USPL1: variants seen among roughly 807,000 people sequenced by gnomAD.
USPL1 encodes the protein SUMO-specific isopeptidase USPL1.
In USPL1, 27 loss-of-function variants were observed where a neutral mutation model predicts 51.5. The observed-to-expected ratio is 0.52, with a 90% CI of 0.39 to 0.72. USPL1 has a LOEUF of 0.72. Ranked by LOEUF, USPL1 falls within the 30% of genes least tolerant of loss-of-function variation. The probability of loss-of-function intolerance (pLI) is 0.00; values close to 1 mark genes in which losing one functional copy is unlikely to be tolerated. For missense variants in USPL1, 1,226 were observed against 1,268.0 expected, an observed-to-expected ratio of 0.97 and a Z score of 0.50; for synonymous variants, 451 against 459.6, an observed-to-expected ratio of 0.98 and a Z score of 0.24.
chr13:30,651,771 G>A (rs569978795), intron 7 of USPL1, among the ~76,000 whole-genome samples: 2 of 152,270 alleles, frequency 1.3e-5, no homozygotes, highest in South Asian at 4.2e-4. Flanking sequence ...GACCAGCCTG[G>A]CCAACATGGT....
intron 5 of USPL1, among the ~76,000 whole-genome samples, chr13:30,640,719 GT>G (rs1030548581): frequency 6.6e-6 from 1 of 152,046 alleles, no homozygotes; most frequent in African/African-American, 2.4e-5. Flanking sequence ...TTTTTTTAAT[GT>G]TTTTGTTCAA....
At position 30,619,740 on chromosome 13, in the gene USPL1, CG is replaced by C. The variant is rs149638284; in HGVS notation, c.-68-1332del. The stretch of plus-strand genomic sequence containing the variant: ...ATCTGCAGGTACAAAGCCTGAAAAG[CG>C]TAAGTTTGACTCCTACATAGTTCTC... On this transcript the variant is annotated intron_variant, in intron 1 of 8. Coordinates refer to ENST00000255304, the MANE Select transcript of USPL1 (RefSeq NM_005800.5). Among the ~76,000 whole-genome samples the C allele has an allele frequency of 9.3e-3, 1,409 of 152,210 alleles. 27 individuals are homozygous for C. Among genetic ancestry groups the C allele is most frequent in the African/African-American group, 0.032 (1,330 of 41,508 alleles).
chr13:30,660,550 T>C lies in USPL1; in HGVS notation c.*1194T>C, dbSNP rs1951246334. 1 of 152,204 alleles carries C rather than the reference T, an allele frequency of 6.6e-6. No homozygotes were observed. 9.4% of individuals were successfully genotyped at this position (152,204 alleles called of 1,614,324 possible). A position where few individuals can be genotyped will look rare whatever the true frequency, so the allele number is the denominator to read the frequency against. Reference sequence around the variant, plus strand: ...TTATGCAGATTTAAGTTGTATACGGTATATGAATGTGTGACAGTTTTCCTT... The same window carrying C: ...TTATGCAGATTTAAGTTGTATACGGCATATGAATGTGTGACAGTTTTCCTT... On this transcript the variant is annotated 3_prime_UTR_variant, in exon 9 of 9. Transcript: ENST00000255304.
chr13:30,637,010 A>C (rs773495776), intron 4 of USPL1, among the ~76,000 whole-genome samples: 23 of 152,216 alleles, frequency 1.5e-4, no homozygotes, highest in Non-Finnish European at 2.8e-4. Flanking sequence ...CAGTAGTACA[A>C]TCACAGCTCA....
chr13:30,654,185 C>G (rs1250148907), intron 8 of USPL1, among the ~76,000 whole-genome samples: 1 of 152,172 alleles, frequency 6.6e-6, no homozygotes, highest in Non-Finnish European at 1.5e-5. Context: ...TGGTTTCCAA[C>G]CCTGACAGCA....
Position 30,658,884 on chromosome 13 carries a change from AG to A in USPL1, c.2809del (p.Asp937ThrfsTer3). 6.2e-7 allele frequency: 1 copy of A among 1,614,146 alleles called. No homozygotes were observed. Among genetic ancestry groups the A allele is most frequent in the Non-Finnish European group, 8.5e-7 (1 of 1,180,044 alleles). On this transcript the variant is annotated frameshift_variant, in exon 9 of 9. Transcript: ENST00000255304. LOFTEE classifies it low-confidence loss of function (END_TRUNC). ...TCTCCAAATGATTGTGAATCAATAG[AG>A]GACTTGTTAAATGAGCTACCATATC... ...DGSPNDCESI[E>X]DLLNELPYPI...
chr13:30,627,991 C>T (rs1950745288), intron 3 of USPL1, among the ~76,000 whole-genome samples: 1 of 151,804 alleles, frequency 6.6e-6, no homozygotes, highest in South Asian at 2.1e-4. Context: ...GTTCTCCTCC[C>T]TCAGCCTCCT....
chr13:30,633,021 T>C (rs1307198287), intron 4 of USPL1, among the ~76,000 whole-genome samples: 2 of 152,206 alleles, frequency 1.3e-5, no homozygotes, highest in Non-Finnish European at 2.9e-5. Context: ...TAAGTAATCA[T>C]TATCTGAAAT....
intron 8 of USPL1, among the ~76,000 whole-genome samples, chr13:30,656,934 T>C (rs1951172966): frequency 6.6e-6 from 1 of 152,110 alleles, no homozygotes; most frequent in Admixed American, 6.6e-5. Context: ...ATTCATGCTT[T>C]AGTTGACTAC....
At chr13:30,619,760 A>G (rs1010961871) in intron 1 of USPL1, among the ~76,000 whole-genome samples, 1 of 152,222 alleles carries the variant, frequency 6.6e-6, no homozygotes, top group Non-Finnish European at 1.5e-5. Flanking sequence ...ACTCCTACAT[A>G]GTTCTCTTTT....
chr13:30,636,501 A>G (rs530389562), intron 4 of USPL1, among the ~76,000 whole-genome samples: 33 of 152,294 alleles, frequency 2.2e-4, no homozygotes, highest in African/African-American at 6.7e-4. Flanking sequence ...GAAAAGATCT[A>G]TTTGTAGCTT....
chr13:30,621,948 T>C, intron 3 of USPL1, 56 bp downstream of exon 3: 1 of 1,213,036 alleles, frequency 8.2e-7, no homozygotes, highest in South Asian at 3.1e-5. Context: ...CTTTTGCTTT[T>C]TTATTAATTG....
At chr13:30,651,952 T>C (rs1428048111) in intron 7 of USPL1, among the ~76,000 whole-genome samples, 1 of 151,382 alleles carries the variant, frequency 6.6e-6, no homozygotes, top group Non-Finnish European at 1.5e-5. Context: ...CTAGTGTCTG[T>C]CTCAAAAAAA....
Position 30,631,277 on chromosome 13 carries a change from CT to C in USPL1, c.674del (p.Leu225TyrfsTer14). The C allele has an allele frequency of 6.2e-7, 1 of 1,614,128 alleles. No individual in the cohort carries two copies. The highest frequency in any genetic ancestry group is 8.5e-7 in the Non-Finnish European group (1 of 1,180,022). Reference protein sequence around the residue: ...LESKCTSFPQALCVQWKNAYA... With the variant: ...LESKCTSFPQXLCVQWKNAYA... ...AGCAAATGTACATCATTTCCCCAGG[CT>C]TTATGTGTCCAGTGGAAAAATGCTT... is the stretch of plus-strand genomic sequence containing the variant. On this transcript the variant is annotated frameshift_variant, in exon 4 of 9. Transcript: ENST00000255304. LOFTEE classifies it high-confidence loss of function.
chr13:30,627,295 A>G (rs1405025768), intron 3 of USPL1, among the ~76,000 whole-genome samples: 1 of 152,202 alleles, frequency 6.6e-6, no homozygotes. Context: ...TATTTAGAAC[A>G]TGTGGAAAGA....
chr13:30,645,798 C>T (rs189129926), intron 6 of USPL1, among the ~76,000 whole-genome samples: 1 of 152,292 alleles, frequency 6.6e-6, no homozygotes, highest in East Asian at 1.9e-4. Context: ...CTCTATGTGT[C>T]ACTTTCCCCA....
intron 4 of USPL1, 44 bp from the exon 5 acceptor site, chr13:30,637,700 T>C (rs760528828): frequency 1.3e-5 from 19 of 1,444,272 alleles, no homozygotes; most frequent in Non-Finnish European, 1.7e-5. Flanking sequence ...TGTGGGAAGA[T>C]ATACATTGAT....
At position 30,659,021 on chromosome 13, in the gene USPL1, T is replaced by A. The variant is rs550614105; in HGVS notation, c.2944T>A (p.Ser982Thr). Residue 982 changes from serine (S) to threonine (T), a missense_variant, in exon 9 of 9, where the codon TCA (serine) becomes ACA (threonine). Coordinates refer to ENST00000255304, the MANE Select transcript of USPL1 (RefSeq NM_005800.5). ...GGAATTATTGTCTCCTACACCTGTT[T>A]CAACAGAGCTGTCAGAAAATGGGGA... is the stretch of plus-strand genomic sequence containing the variant. ...LAELLSPTPV[S>T]TELSENGEGD... 1.9e-6 allele frequency: 3 copies of A among 1,614,226 alleles called. No homozygotes were observed. Among genetic ancestry groups the A allele is most frequent in the Non-Finnish European group, 1.7e-6 (2 of 1,180,048 alleles).
chr13:30,636,448 G>C (rs1407299792), intron 4 of USPL1, among the ~76,000 whole-genome samples: 1 of 151,968 alleles, frequency 6.6e-6, no homozygotes, highest in Non-Finnish European at 1.5e-5. Context: ...CATATAAGCA[G>C]AGTGTGATCA....
Sources: allele counts gnomAD v4.1 joint callset (sites outside exome capture counted in the v4.1 genomes callset), GRCh38; gene constraint gnomAD v4.1.1; transcripts MANE v1.5; gene names NCBI Gene and HGNC (gene_info 2026-07-23, HGNC 2026-07-21).